The following IL16 variants were observed in gnomAD, a reference collection of about 807,000 sequenced individuals.
IL16 encodes the protein pro-interleukin-16.
In IL16, 67 loss-of-function variants were observed where a neutral mutation model predicts 110.1. That is an observed-to-expected ratio of 0.61 (90% CI 0.50 to 0.75). The LOEUF (loss-of-function observed/expected upper bound fraction) is 0.75. Among genes scored for constraint, IL16 ranks in the 30% least tolerant of loss-of-function variants. The probability of loss-of-function intolerance (pLI) is 0.00; values close to 1 mark genes in which losing one functional copy is unlikely to be tolerated. For missense variants in IL16, 1,545 were observed against 1,655.0 expected (o/e 0.93, Z 1.15); for synonymous variants, 689 against 662.9 (o/e 1.04, Z -0.61).
chr15:81,226,939 C>A (rs868711101), intron 2 of IL16, among the ~76,000 whole-genome samples: 36 of 152,330 alleles, frequency 2.4e-4, no homozygotes, highest in African/African-American at 8.7e-4. Context: ...AAGACCTCAG[C>A]AGAATCCTAG....
chr15:81,241,253 T>C (rs1897326786), intron 2 of IL16, among the ~76,000 whole-genome samples: 1 of 152,078 alleles, frequency 6.6e-6, no homozygotes, highest in South Asian at 2.1e-4. Context: ...CTTCCTAGTG[T>C]TTATTTAGAT....
Position 81,303,538 on chromosome 15 carries a change from T to A in IL16, c.3319-11T>A. The A allele has an allele frequency of 6.4e-7, 1 of 1,572,710 alleles. No individual in the cohort carries two copies. The highest frequency in any genetic ancestry group is 1.1e-5 in the South Asian group (1 of 90,282). ...GTAAAATGTTTTTGAATGTATGTAT[T>A]TCCTCTGCAGCAATTAGACGGCATC... On this transcript the variant is annotated splice_polypyrimidine_tract_variant and intron_variant, in intron 15 of 18. Coordinates refer to ENST00000683961, the MANE Select transcript of IL16 (RefSeq NM_172217.5). The surrounding 1 kb of genome is among the most constrained non-coding windows in gnomAD (Gnocchi z 4.1).
intron 1 of IL16, among the ~76,000 whole-genome samples, chr15:81,206,430 G>A (rs144828507): frequency 6.6e-4 from 100 of 152,304 alleles, no homozygotes; most frequent in African/African-American, 2.4e-3. Context: ...TATCATATAA[G>A]CAGTTCTTTG....
chr15:81,283,626 A>C (rs901357121), intron 9 of IL16, among the ~76,000 whole-genome samples: 3 of 152,230 alleles, frequency 2.0e-5, no homozygotes, highest in Admixed American at 1.3e-4. Context: ...TTAAGATTTA[A>C]CTAATATTGA....
At chr15:81,199,830 A>C (rs1400979996) in intron 1 of IL16, among the ~76,000 whole-genome samples, 7 of 152,296 alleles carry the variant, frequency 4.6e-5, no homozygotes, top group African/African-American at 1.7e-4. Flanking sequence ...TCCAACGAGG[A>C]ATTTCAGAAC....
At chr15:81,246,856 T>C (rs1236321778) in intron 2 of IL16, among the ~76,000 whole-genome samples, 2 of 152,122 alleles carry the variant, frequency 1.3e-5, no homozygotes, top group Non-Finnish European at 2.9e-5. Flanking sequence ...ACCACTCTGT[T>C]TCTTTAATTT....
At chr15:81,288,422 T>C (rs1899548887) in intron 10 of IL16, among the ~76,000 whole-genome samples, 2 of 152,242 alleles carry the variant, frequency 1.3e-5, no homozygotes, top group Non-Finnish European at 2.9e-5. Context: ...CCGCAGACTT[T>C]AAATGATTTA....
chr15:81,248,909 T>C (rs1056550114), intron 2 of IL16, among the ~76,000 whole-genome samples: 4 of 151,646 alleles, frequency 2.6e-5, no homozygotes, highest in Non-Finnish European at 5.9e-5. Flanking sequence ...TTAGTAGAGT[T>C]GGGGTTTTGC....
intron 3 of IL16, among the ~76,000 whole-genome samples, chr15:81,260,313 C>T (rs531094284): frequency 1.0e-3 from 159 of 152,172 alleles, no homozygotes; most frequent in Non-Finnish European, 2.0e-3. Context: ...ATTAAAATCA[C>T]ACCAAATCAT....
intron 13 of IL16, chr15:81,299,172 A>AT: frequency 1.3e-6 from 1 of 770,048 alleles, no homozygotes; most frequent in Non-Finnish European, 2.3e-6. Flanking sequence ...ATACTGTGAG[A>AT]TTAACTCCTA....
At chr15:81,268,002 C>CA (rs1450435446) in intron 4 of IL16, among the ~76,000 whole-genome samples, 1 of 152,214 alleles carries the variant, frequency 6.6e-6, no homozygotes, top group South Asian at 2.1e-4. Flanking sequence ...GAAAATTAAC[C>CA]ACCACGGATG....
In IL16 at chr15:81,312,400, C is replaced by CA. The variant is rs1366968431; in HGVS notation, c.*3603dup. 1 of 152,230 alleles carries CA rather than the reference C, an allele frequency of 6.6e-6. No individual in the cohort carries two copies. The highest frequency in any genetic ancestry group is 1.5e-5 in the Non-Finnish European group (1 of 68,060). 9.4% of individuals were successfully genotyped at this position (152,230 alleles called of 1,614,324 possible). A position where few individuals can be genotyped will look rare whatever the true frequency, so the allele number is the denominator to read the frequency against. On this transcript the variant is annotated 3_prime_UTR_variant, in exon 19 of 19. Coordinates refer to ENST00000683961, the MANE Select transcript of IL16 (RefSeq NM_172217.5). ...GATGGCCTGGCCAGGGCCTGGAAGA[C>CA]AGAGACCTCCTGCCTCCGCCTCAGT...
At chr15:81,196,165 C>A (rs1020971443), upstream of IL16, among the ~76,000 whole-genome samples, 1 of 152,292 alleles carries the variant, frequency 6.6e-6, no homozygotes, top group East Asian at 1.9e-4. Context: ...GAGAGCCAGT[C>A]TGTTGTTTTT....
At chr15:81,237,559 A>G (rs889026914) in intron 2 of IL16, among the ~76,000 whole-genome samples, 6 of 152,186 alleles carry the variant, frequency 3.9e-5, no homozygotes, top group Non-Finnish European at 7.4e-5. Flanking sequence ...GTCAATTATC[A>G]AGTTTAAGAA....
intron 10 of IL16, among the ~76,000 whole-genome samples, chr15:81,287,981 A>G (rs781417010): frequency 2.0e-5 from 3 of 152,230 alleles, no homozygotes; most frequent in Non-Finnish European, 4.4e-5. Flanking sequence ...GTAGGGCGTC[A>G]GGTTGTGGGC....
intron 1 of IL16, among the ~76,000 whole-genome samples, chr15:81,210,897 G>C (rs1896215286): frequency 1.3e-5 from 2 of 152,174 alleles, no homozygotes; most frequent in Non-Finnish European, 2.9e-5. Flanking sequence ...GGAGTGGTGA[G>C]AGTGGGCATC....
chr15:81,184,329 T>C (rs779748741), intron 1 of IL16, among the ~76,000 whole-genome samples: 10 of 152,208 alleles, frequency 6.6e-5, no homozygotes, highest in Admixed American at 1.3e-4. Flanking sequence ...CATAGGAAGT[T>C]CATTGGTGTG....
At chr15:81,187,120 A>G (rs980159659) in intron 1 of IL16, among the ~76,000 whole-genome samples, 1 of 152,212 alleles carries the variant, frequency 6.6e-6, no homozygotes, top group East Asian at 1.9e-4. Context: ...ACTTACTTAC[A>G]CTGGCGAACC....
Position 81,308,958 on chromosome 15 carries a change from C to T in IL16, c.*160C>T. The T allele has an allele frequency of 3.6e-6, 2 of 557,952 alleles. No individual in the cohort carries two copies. Among genetic ancestry groups the T allele is most frequent in the Non-Finnish European group, 6.2e-6 (2 of 321,624 alleles). The allele number at this position is 557,952 out of a possible 1,614,324, so 34.6% of individuals were successfully genotyped here. A position where few individuals can be genotyped will look rare whatever the true frequency, so the allele number is the denominator to read the frequency against. On this transcript the variant is annotated 3_prime_UTR_variant, in exon 19 of 19. Coordinates refer to ENST00000683961, the MANE Select transcript of IL16 (RefSeq NM_172217.5). ...CAGGCCCAGACCTTCTAGGACGCCA[C>T]CCAGCAAAAGGTTGTTCCTAAAATA...
Sources: allele counts gnomAD v4.1 joint callset (sites outside exome capture counted in the v4.1 genomes callset), GRCh38; gene constraint gnomAD v4.1.1; non-coding constraint Gnocchi (gnomAD v3.1); transcripts MANE v1.5; gene names NCBI Gene and HGNC (gene_info 2026-07-23, HGNC 2026-07-21).